The following HS6ST2 variants were observed in gnomAD, a reference collection of about 807,000 sequenced individuals.
HS6ST2 encodes the protein heparan sulfate 6-O-sulfotransferase 2.
In HS6ST2, 17 loss-of-function variants were observed where a neutral mutation model predicts 33.0. The observed-to-expected ratio is 0.52, with a 90% CI of 0.35 to 0.77. The LOEUF is 0.77. Ranked by LOEUF, HS6ST2 falls within the 30% of genes least tolerant of loss-of-function variation. The pLI is 0.01. For synonymous variants in HS6ST2, 248 were observed against 237.1 expected, an observed-to-expected ratio of 1.05 and a Z score of -0.42; for missense variants, 519 against 551.7, an observed-to-expected ratio of 0.94 and a Z score of 0.59.
chrX:132,722,156 C>G (rs1385244228), intron 2 of HS6ST2, among the ~76,000 whole-genome samples: 2 of 95,486 alleles, frequency 2.1e-5, no homozygotes, highest in Non-Finnish European at 4.1e-5. Context: ...CCACTGCACT[C>G]CAACCTGGGA....
chrX:132,867,191 G>A (rs372058509), intron 2 of HS6ST2, among the ~76,000 whole-genome samples: 4 of 106,162 alleles, frequency 3.8e-5, no homozygotes, highest in South Asian at 4.2e-4. Context: ...TAGCATGAAG[G>A]GTTGTTGAAT....
intron 2 of HS6ST2, among the ~76,000 whole-genome samples, chrX:132,785,921 T>A (rs1035095850): frequency 2.6e-4 from 29 of 111,962 alleles, no homozygotes; most frequent in African/African-American, 9.4e-4. Flanking sequence ...TTCTTGGATC[T>A]GCTGCTATCC....
At chrX:132,791,105 C>A (rs2065116842) in intron 2 of HS6ST2, among the ~76,000 whole-genome samples, 1 of 110,763 alleles carries the variant, frequency 9.0e-6, no homozygotes, top group South Asian at 3.9e-4. Context: ...CATGACTGCA[C>A]CGCTGCATTC....
intron 3 of HS6ST2, among the ~76,000 whole-genome samples, chrX:132,680,091 T>C (rs934253880): frequency 9.3e-6 from 1 of 107,159 alleles, no homozygotes; most frequent in Non-Finnish European, 1.9e-5. Flanking sequence ...GAGATTAAAG[T>C]AAAGACAGGC....
chrX:132,772,470 G>C (rs949084192), intron 2 of HS6ST2, among the ~76,000 whole-genome samples: 15 of 107,940 alleles, frequency 1.4e-4, no homozygotes, highest in Non-Finnish European at 2.3e-4. Flanking sequence ...CTGAGGCAAA[G>C]TATAAGACTT....
intron 2 of HS6ST2, among the ~76,000 whole-genome samples, chrX:132,904,238 T>C (rs1282147774): frequency 8.9e-6 from 1 of 112,420 alleles, no homozygotes; most frequent in Non-Finnish European, 1.9e-5. Flanking sequence ...AATGGAGTTA[T>C]ATTTTAAATT....
At chrX:132,952,740 G>A (rs1326384100) in intron 2 of HS6ST2, among the ~76,000 whole-genome samples, 2 of 111,222 alleles carry the variant, frequency 1.8e-5, no homozygotes, top group African/African-American at 6.5e-5. Flanking sequence ...TACTCTTCCA[G>A]ATGCCTCAGC....
intron 2 of HS6ST2, among the ~76,000 whole-genome samples, chrX:132,861,997 A>C (rs924899685): frequency 1.8e-5 from 2 of 112,008 alleles, no homozygotes; most frequent in East Asian, 5.6e-4. Context: ...TTTTTTAAAC[A>C]AGTTTGTTCT....
intron 2 of HS6ST2, among the ~76,000 whole-genome samples, chrX:132,802,400 T>A (rs113250428): frequency 8.0e-5 from 9 of 111,977 alleles, no homozygotes; most frequent in African/African-American, 2.6e-4. Flanking sequence ...CGGATGCATC[T>A]TTTTTCTGTC....
intron 2 of HS6ST2, among the ~76,000 whole-genome samples, chrX:132,757,875 T>C (rs1319008784): frequency 1.8e-5 from 2 of 111,939 alleles, no homozygotes; most frequent in Non-Finnish European, 3.8e-5. Flanking sequence ...ACAAAAATCA[T>C]TCAGTTTCCA....
chrX:132,812,405 A>AAATAATAATAATAATAAT (rs55880539), intron 2 of HS6ST2, among the ~76,000 whole-genome samples: 4 of 84,944 alleles, frequency 4.7e-5, no homozygotes, highest in African/African-American at 1.8e-4. Flanking sequence ...ACTCTGTCTC[A>AAATAATAATAATAATAAT]AATAATAATA....
intron 2 of HS6ST2, among the ~76,000 whole-genome samples, chrX:132,892,712 C>T (rs1384141579): frequency 2.7e-5 from 3 of 111,562 alleles, no homozygotes; most frequent in African/African-American, 3.3e-5. Context: ...CCAGCTACCC[C>T]GGAAGCTGAG....
At position 132,627,685 on chromosome X, in the gene HS6ST2, G is replaced by T. The variant is rs2063488866; in HGVS notation, c.*538C>A. ...GGAGAGGAATTTTTTATTTTCTACAGCTCGGTAAGATTCACCATCAGTTGT... is the reference window on the plus strand; with the variant it reads ...GGAGAGGAATTTTTTATTTTCTACATCTCGGTAAGATTCACCATCAGTTGT... On this transcript the variant is annotated 3_prime_UTR_variant, in exon 5 of 5. Coordinates refer to ENST00000370833, the MANE Select transcript of HS6ST2 (RefSeq NM_001394073.1). 8.9e-6 allele frequency: 1 copy of T among 111,799 alleles called. No individual in the cohort carries two copies. The highest frequency in any genetic ancestry group is 1.9e-5 in the Non-Finnish European group (1 of 53,155). 9.2% of individuals were successfully genotyped at this position (111,799 alleles called of 1,213,427 possible). A position where few individuals can be genotyped will look rare whatever the true frequency, so the allele number is the denominator to read the frequency against.
chrX:132,714,623 A>G (rs902821896), intron 2 of HS6ST2, among the ~76,000 whole-genome samples: 1 of 111,519 alleles, frequency 9.0e-6, no homozygotes, highest in African/African-American at 3.3e-5. Context: ...CCGGCCAATA[A>G]CATTCTAAGA....
At chrX:132,808,210 C>T (rs2065303896) in intron 2 of HS6ST2, among the ~76,000 whole-genome samples, 1 of 111,376 alleles carries the variant, frequency 9.0e-6, no homozygotes, top group Non-Finnish European at 1.9e-5. Context: ...CCACTCAAAC[C>T]CCCAACTACT....
Position 132,671,772 on chromosome X carries a change from G to C in HS6ST2, c.981-2573C>G, listed in dbSNP as rs1238829556. 3.6e-5 allele frequency among the ~76,000 whole-genome samples: 4 copies of C among 111,322 alleles called. 1 individual carries two copies. ...CATTCTCAGGAATAAATCACACAGG[G>C]AAGGCATTGCACCAAGAATAGGGGT... On this transcript the variant is annotated intron_variant, in intron 3 of 4. Transcript: ENST00000370833.
chrX:132,836,946 C>G (rs1198791180), intron 2 of HS6ST2, among the ~76,000 whole-genome samples: 2 of 111,869 alleles, frequency 1.8e-5, no homozygotes, highest in Admixed American at 9.5e-5. Flanking sequence ...AAAATTCTAG[C>G]TTCCACAGTG....
chrX:132,681,024 T>C (rs1209128006), intron 3 of HS6ST2, among the ~76,000 whole-genome samples: 1 of 109,353 alleles, frequency 9.1e-6, no homozygotes, highest in Admixed American at 9.8e-5. Context: ...AAAAAAAGTC[T>C]TGTGTTTTGG....
chrX:132,899,242 T>A (rs1361158047), intron 2 of HS6ST2, among the ~76,000 whole-genome samples: 1 of 111,424 alleles, frequency 9.0e-6, no homozygotes. Context: ...CAACATCCAA[T>A]CAAAAATTAT....
Sources: gnomAD v4.1 joint callset for allele counts (sites outside exome capture counted in the v4.1 genomes callset) on GRCh38, gnomAD v4.1.1 for gene constraint, MANE v1.5 for transcripts, NCBI Gene and HGNC (gene_info 2026-07-23, HGNC 2026-07-21) for gene names.